The following PRKD1 variants were observed in gnomAD, a reference collection of about 807,000 sequenced individuals.
PRKD1 encodes the protein protein kinase D1, also known as serine/threonine-protein kinase D1.
PRKD1 carries 63 observed loss-of-function variants against 95.9 expected under a neutral mutation model. That is an observed-to-expected ratio of 0.66 (90% CI 0.54 to 0.81). PRKD1 has a LOEUF of 0.81. PRKD1 is among the 30% of genes least tolerant of loss of function. The pLI is 0.00. For synonymous variants in PRKD1, 425 were observed against 423.1 expected, an observed-to-expected ratio of 1.00 and a Z score of -0.05; for missense variants, 1,048 against 1,165.3, an observed-to-expected ratio of 0.90 and a Z score of 1.47.
At chr14:29,714,630 A>T (rs1008837384) in intron 2 of PRKD1, among the ~76,000 whole-genome samples, 1 of 152,210 alleles carries the variant, frequency 6.6e-6, no homozygotes, top group African/African-American at 2.4e-5. Context: ...AGGATTATAA[A>T]TCATTCTACT....
At chr14:29,818,766 C>T (rs1003775818) in intron 1 of PRKD1, among the ~76,000 whole-genome samples, 8 of 152,106 alleles carry the variant, frequency 5.3e-5, no homozygotes, top group Admixed American at 5.2e-4. Flanking sequence ...CATATTCAAT[C>T]TGTTCCTCTT....
intron 2 of PRKD1, among the ~76,000 whole-genome samples, chr14:29,698,563 T>C (rs1884658166): frequency 6.6e-6 from 1 of 152,098 alleles, no homozygotes; most frequent in Non-Finnish European, 1.5e-5. Context: ...AGCTCTCTAA[T>C]AATGAAACTC....
At chr14:29,825,209 A>T (rs1891062520) in intron 1 of PRKD1, among the ~76,000 whole-genome samples, 2 of 152,116 alleles carry the variant, frequency 1.3e-5, no homozygotes, top group South Asian at 4.1e-4. Context: ...TGTGATATGT[A>T]CGAAACATGA....
At chr14:29,725,422 C>T in intron 2 of PRKD1, 114 bp downstream of exon 2, 1 of 1,281,182 alleles carries the variant, frequency 7.8e-7, no homozygotes, top group East Asian at 2.4e-5. Context: ...AACATCTTCT[C>T]TTGGAGCTGA....
At position 29,694,709 on chromosome 14, in the gene PRKD1, T is replaced by A. The variant is rs1884417779; in HGVS notation, c.404-28501A>T. Reference sequence around the variant, plus strand: ...GGGGATGGGAAGTATCAGGGACTCTTAGACATAAAAATGTTGGAAAGGGTG... The same window carrying A: ...GGGGATGGGAAGTATCAGGGACTCTAAGACATAAAAATGTTGGAAAGGGTG... On this transcript the variant is annotated intron_variant, in intron 2 of 17. Coordinates refer to ENST00000331968, the MANE Select transcript of PRKD1 (RefSeq NM_002742.3). Among the ~76,000 whole-genome samples, 3 of 152,118 alleles carry A rather than the reference T, an allele frequency of 2.0e-5. No homozygotes were observed. The South Asian group carries it at 6.2e-4, about 32-fold the overall frequency.
chr14:29,593,731 C>T (rs1566472943), intron 16 of PRKD1, among the ~76,000 whole-genome samples: 2 of 152,188 alleles, frequency 1.3e-5, no homozygotes, highest in African/African-American at 2.4e-5. Context: ...ACCTTTTGGA[C>T]TTCCCAGTTG....
At chr14:29,841,744 AT>A (rs1190309135) in intron 1 of PRKD1, among the ~76,000 whole-genome samples, 2 of 151,642 alleles carry the variant, frequency 1.3e-5, no homozygotes, top group Non-Finnish European at 2.9e-5. Flanking sequence ...TTATTTTTAA[AT>A]TTTTTCTTTC....
intron 1 of PRKD1, among the ~76,000 whole-genome samples, chr14:29,810,409 G>A (rs1357218939): frequency 6.6e-6 from 1 of 152,168 alleles, no homozygotes; most frequent in Admixed American, 6.5e-5. Flanking sequence ...CACCTCTAAT[G>A]TCAGGTTCCA....
chr14:29,766,016 G>T (rs1888240487), intron 1 of PRKD1, among the ~76,000 whole-genome samples: 1 of 151,934 alleles, frequency 6.6e-6, no homozygotes, highest in African/African-American at 2.4e-5. Flanking sequence ...ACTTTCCTGG[G>T]TATATGTTAT....
chr14:29,786,631 T>C (rs1889286462), intron 1 of PRKD1, among the ~76,000 whole-genome samples: 1 of 152,158 alleles, frequency 6.6e-6, no homozygotes, highest in Non-Finnish European at 1.5e-5. Context: ...TAGCACGTAG[T>C]GGTTCATAAT....
chr14:29,927,501 A>G lies in PRKD1; in HGVS notation c.12T>C (p.Pro4=). The G allele has an allele frequency of 2.5e-6, 3 of 1,196,560 alleles. No individual in the cohort carries two copies. Among genetic ancestry groups the G allele is most frequent in the Non-Finnish European group, 3.1e-6 (3 of 969,310 alleles). 74.1% of individuals were successfully genotyped at this position (1,196,560 alleles called of 1,614,324 possible). ...GCGGACTGGGCGGCCGCAGGACCGGAGGGGCGCTCATCGCTCGGCGGGGCG... is the reference window on the plus strand; with the variant it reads ...GCGGACTGGGCGGCCGCAGGACCGGGGGGGCGCTCATCGCTCGGCGGGGCG... MSA[P]PVLRPPSPLL... is the part of the protein sequence containing the mutation. The change falls in exon 1 of 18, where the codon CCT becomes CCC. Residue 4 remains proline, a synonymous_variant. Coordinates refer to ENST00000331968, the MANE Select transcript of PRKD1 (RefSeq NM_002742.3).
At chr14:29,667,327 C>T (rs528911095) in intron 2 of PRKD1, among the ~76,000 whole-genome samples, 1 of 152,304 alleles carries the variant, frequency 6.6e-6, no homozygotes, top group South Asian at 2.1e-4. Flanking sequence ...AATGTAAGAA[C>T]AGAACCATAT....
At chr14:29,887,296 T>G (rs1893746256) in intron 1 of PRKD1, among the ~76,000 whole-genome samples, 1 of 152,188 alleles carries the variant, frequency 6.6e-6, no homozygotes, top group Non-Finnish European at 1.5e-5. Context: ...TGGTCAAGTC[T>G]AGAGGTGTGA....
chr14:29,806,448 C>A (rs45560932), intron 1 of PRKD1, among the ~76,000 whole-genome samples: 2,447 of 150,220 alleles, frequency 0.016, 64 homozygotes, highest in African/African-American at 0.053. Context: ...CTTCAGGTTG[C>A]AGGAGAAAAA....
intron 2 of PRKD1, among the ~76,000 whole-genome samples, chr14:29,684,067 C>T (rs972121244): frequency 6.6e-6 from 1 of 152,188 alleles, no homozygotes. Context: ...TCAAAACCAG[C>T]CCTGAGAGTC....
At chr14:29,737,925 A>G (rs1476640140) in intron 1 of PRKD1, among the ~76,000 whole-genome samples, 1 of 152,232 alleles carries the variant, frequency 6.6e-6, no homozygotes, top group Non-Finnish European at 1.5e-5. Context: ...TAGAGATTTA[A>G]GTATATCAAG....
chr14:29,587,543 C>T (rs551706378), intron 16 of PRKD1, among the ~76,000 whole-genome samples: 35 of 152,258 alleles, frequency 2.3e-4, no homozygotes, highest in East Asian at 1.5e-3. Flanking sequence ...CAATTTTGAG[C>T]ATTTACAATG....
chr14:29,915,525 T>C (rs1894860893), intron 1 of PRKD1, among the ~76,000 whole-genome samples: 1 of 152,092 alleles, frequency 6.6e-6, no homozygotes, highest in Admixed American at 6.6e-5. Flanking sequence ...GACCGTCCAG[T>C]TCTAATGTTC....
chr14:29,624,067 T>G (rs1879454673), intron 13 of PRKD1, 85 bp downstream of exon 13: 1 of 968,798 alleles, frequency 1.0e-6, no homozygotes, highest in African/African-American at 1.7e-5. Flanking sequence ...ATGCCACAGG[T>G]TTTTAGAGAA....
Sources: allele counts gnomAD v4.1 joint callset (sites outside exome capture counted in the v4.1 genomes callset), GRCh38; gene constraint gnomAD v4.1.1; transcripts MANE v1.5; gene names NCBI Gene and HGNC (gene_info 2026-07-23, HGNC 2026-07-21).